REEP6: variants seen among roughly 807,000 people sequenced by gnomAD.
The protein encoded by REEP6 is receptor expression-enhancing protein 6.
Under a neutral mutation model 22.4 loss-of-function variants are expected in REEP6, and 19 were observed. The observed-to-expected ratio is 0.85, with a 90% confidence interval of 0.59 to 1.25. REEP6 has a LOEUF of 1.25. Among genes scored for constraint, REEP6 ranks in the 50% most tolerant of loss-of-function variants. The probability of loss-of-function intolerance (pLI) is 0.00; values close to 1 mark genes in which losing one functional copy is unlikely to be tolerated. For synonymous variants in REEP6, 121 were observed against 113.6 expected (o/e 1.06, Z -0.41); for missense variants, 273 against 251.9 (o/e 1.08, Z -0.57).
rs1040232515 is a variant in REEP6, at chr19:1,496,513, C to G, written c.517+60C>G. On this transcript the variant is annotated intron_variant, in intron 4 of 4. Transcript: ENST00000233596. ...ATCTCCCGGGTCTGGACCTGTCTCT[C>G]TCCACCTTGCCTCCCTTTCTGACTT... is the stretch of plus-strand genomic sequence containing the variant. 7.6e-6 allele frequency: 12 copies of G among 1,576,844 alleles called. 1 individual carries two copies. Among genetic ancestry groups the G allele is most frequent in the Middle Eastern group, 3.3e-4 (2 of 6,000 alleles).
rs59734204 is a variant in REEP6, at chr19:1,495,746, C to G, written c.348+139C>G. 2,907 of 1,235,362 alleles carry G rather than the reference C, an allele frequency of 2.4e-3. 51 individuals are homozygous for G. In the African/African-American group the frequency reaches 0.038, roughly 16 times the overall value. 76.5% of individuals were successfully genotyped at this position (1,235,362 alleles called of 1,614,324 possible). ...AGACTCAGTCCCTTCCCTGGGGAAA[C>G]GAGCCCTGTCCGGGGGCTGATGGTG... On this transcript the variant is annotated intron_variant, in intron 3 of 4. Transcript: ENST00000233596.
Position 1,491,426 on chromosome 19 carries a change from G to C in REEP6, c.115+42G>C, listed in dbSNP as rs915452887. 1 of 1,311,874 alleles carries C rather than the reference G, an allele frequency of 7.6e-7. No individual in the cohort carries two copies. Among genetic ancestry groups the C allele is most frequent in the Non-Finnish European group, 1.0e-6 (1 of 1,001,702 alleles). 81.3% of individuals were successfully genotyped at this position (1,311,874 alleles called of 1,614,324 possible). A position where few individuals can be genotyped will look rare whatever the true frequency, so the allele number is the denominator to read the frequency against. ...AGCCCGTTTCGCCGACGGGCACACCGAGGCCATGGGCCTGGGGGTCGCAGA... is the reference window on the plus strand; with the variant it reads ...AGCCCGTTTCGCCGACGGGCACACCCAGGCCATGGGCCTGGGGGTCGCAGA... On this transcript the variant is annotated intron_variant, in intron 1 of 4. Coordinates refer to ENST00000233596, the MANE Select transcript of REEP6 (RefSeq NM_138393.4). This position sits in a 1 kb window ranked among gnomAD's most constrained non-coding sequence, Gnocchi z 5.4.
In REEP6 at chr19:1,491,422, C is replaced by T; in HGVS notation, c.115+38C>T. On this transcript the variant is annotated intron_variant, in intron 1 of 4. Transcript: ENST00000233596. This position sits in a 1 kb window ranked among gnomAD's most constrained non-coding sequence, Gnocchi z 5.4. The stretch of plus-strand genomic sequence containing the variant: ...CGCTAGCCCGTTTCGCCGACGGGCA[C>T]ACCGAGGCCATGGGCCTGGGGGTCG... 1 of 1,337,362 alleles carries T rather than the reference C, an allele frequency of 7.5e-7. No individual in the cohort carries two copies. Among genetic ancestry groups the T allele is most frequent in the Non-Finnish European group, 9.8e-7 (1 of 1,023,716 alleles). The allele number at this position is 1,337,362 out of a possible 1,614,324, so 82.8% of individuals were successfully genotyped here.
At position 1,491,921 on chromosome 19, in the gene REEP6, G is replaced by A. The variant is rs1229960528; in HGVS notation, c.115+537G>A. Among the ~76,000 whole-genome samples the A allele has an allele frequency of 6.6e-6, 1 of 152,210 alleles. No individual in the cohort carries two copies. Among genetic ancestry groups the A allele is most frequent in the Non-Finnish European group, 1.5e-5 (1 of 68,040 alleles). On this transcript the variant is annotated intron_variant, in intron 1 of 4. Coordinates refer to ENST00000233596, the MANE Select transcript of REEP6 (RefSeq NM_138393.4). The surrounding 1 kb of genome is among the most constrained non-coding windows in gnomAD (Gnocchi z 5.4). ...GAGCGTAAATGTTTGTTAAGACGGAGTTGGGTTGTCTGACGGCTGTGATGT... is the reference window on the plus strand; with the variant it reads ...GAGCGTAAATGTTTGTTAAGACGGAATTGGGTTGTCTGACGGCTGTGATGT...
Position 1,495,468 on chromosome 19 carries a change from G to A in REEP6, c.210-1G>A, listed in dbSNP as rs750579100. The A allele has an allele frequency of 6.2e-7, 1 of 1,613,908 alleles. No individual in the cohort carries two copies. Among genetic ancestry groups the A allele is most frequent in the Non-Finnish European group, 8.5e-7 (1 of 1,179,980 alleles). On this transcript the variant is annotated splice_acceptor_variant, in intron 2 of 4. Coordinates refer to ENST00000233596, the MANE Select transcript of REEP6 (RefSeq NM_138393.4). LOFTEE classifies it high-confidence loss of function. ...CTGACCCTGCTGCACCCTCCCTGCA[G>A]AATCAAAGCTATCGAGAGCCCAAGC...
chr19:1,491,768 T>G lies in REEP6; in HGVS notation c.115+384T>G, dbSNP rs2084948234. 1.3e-5 allele frequency among the ~76,000 whole-genome samples: 2 copies of G among 152,170 alleles called. No individual in the cohort carries two copies. The highest frequency in any genetic ancestry group is 1.3e-4 in the Admixed American group (2 of 15,278). On this transcript the variant is annotated intron_variant, in intron 1 of 4. Coordinates refer to ENST00000233596, the MANE Select transcript of REEP6 (RefSeq NM_138393.4). The surrounding 1 kb of genome is among the most constrained non-coding windows in gnomAD (Gnocchi z 5.4). ...CTGCAACAGTAGAGATCTTCCCGTT[T>G]TTCTGAGGGGAGGCTCCTGGCGGGA...
At chr19:1,494,324 C>T (rs1009431719) in intron 1 of REEP6, among the ~76,000 whole-genome samples, 11 of 152,144 alleles carry the variant, frequency 7.2e-5, no homozygotes, top group African/African-American at 2.7e-4. Flanking sequence ...CCCTGCCCCC[C>T]ACCCCGCCCC....
chr19:1,494,077 G>A (rs1026409386), intron 1 of REEP6, among the ~76,000 whole-genome samples: 1 of 152,038 alleles, frequency 6.6e-6, no homozygotes, highest in East Asian at 1.9e-4. Flanking sequence ...ACTCCATCTC[G>A]AAAATAAATA....
chr19:1,497,098 C>T lies in REEP6; in HGVS notation c.518-76C>T. 1 of 1,201,944 alleles carries T rather than the reference C, an allele frequency of 8.3e-7. No homozygotes were observed. Among genetic ancestry groups the T allele is most frequent in the Non-Finnish European group, 1.1e-6 (1 of 878,498 alleles). 74.5% of individuals were successfully genotyped at this position (1,201,944 alleles called of 1,614,324 possible). On this transcript the variant is annotated intron_variant, in intron 4 of 4. Transcript: ENST00000233596. This position sits in a 1 kb window ranked among gnomAD's most constrained non-coding sequence, Gnocchi z 6.5. ...TTGTCATGCTCATAGCCAGTAGCCT[C>T]AGTCCCGCCTGCGAGCAGCTCCGGG... is the stretch of plus-strand genomic sequence containing the variant.
In REEP6 at chr19:1,491,927, T is replaced by C. The variant is rs2145470824; in HGVS notation, c.115+543T>C. ...AAATGTTTGTTAAGACGGAGTTGGG[T>C]TGTCTGACGGCTGTGATGTGGGGAG... On this transcript the variant is annotated intron_variant, in intron 1 of 4. Coordinates refer to ENST00000233596, the MANE Select transcript of REEP6 (RefSeq NM_138393.4). This position sits in a 1 kb window ranked among gnomAD's most constrained non-coding sequence, Gnocchi z 5.4. Among the ~76,000 whole-genome samples the C allele has an allele frequency of 6.6e-6, 1 of 152,198 alleles. No individual in the cohort carries two copies. Among genetic ancestry groups the C allele is most frequent in the East Asian group, 1.9e-4 (1 of 5,180 alleles).
chr19:1,496,495 G>A (rs758839317), intron 4 of REEP6, 42 bp downstream of exon 4: 21 of 1,599,296 alleles, frequency 1.3e-5, no homozygotes, highest in East Asian at 2.3e-5. Context: ...GCCATCTCCC[G>A]GGTCTGGACC....
Position 1,495,481 on chromosome 19 carries a change from C to T in REEP6, c.222C>T (p.Ile74=), listed in dbSNP as rs766772230. Residue 74 remains isoleucine, a synonymous_variant, in exon 3 of 5, where the codon ATC becomes ATT. Coordinates refer to ENST00000233596, the MANE Select transcript of REEP6 (RefSeq NM_138393.4). ...VYPAYASIKA[I]ESPSKDDDTV... is the part of the protein sequence containing the mutation. The stretch of plus-strand genomic sequence containing the variant: ...ACCCTCCCTGCAGAATCAAAGCTAT[C>T]GAGAGCCCAAGCAAGGACGACGACA... 6.2e-6 allele frequency: 10 copies of T among 1,613,942 alleles called. No individual in the cohort carries two copies. Among genetic ancestry groups the T allele is most frequent in the Admixed American group, 3.3e-5 (2 of 60,024 alleles).
rs1428872473 is a variant in REEP6 at position 1,491,880 on chromosome 19, A to G, written c.115+496A>G. Among the ~76,000 whole-genome samples, 2 of 151,894 alleles carry G rather than the reference A, an allele frequency of 1.3e-5. No homozygotes were observed. The highest frequency in any genetic ancestry group is 2.1e-4 in the South Asian group (1 of 4,814). ...CCCTAGCTCACCTTCCCCCAGCTCAATGGCTTAGTGCCACCGAGCGTAAAT... is the reference window on the plus strand; with the variant it reads ...CCCTAGCTCACCTTCCCCCAGCTCAGTGGCTTAGTGCCACCGAGCGTAAAT... On this transcript the variant is annotated intron_variant, in intron 1 of 4. Transcript: ENST00000233596. This position sits in a 1 kb window ranked among gnomAD's most constrained non-coding sequence, Gnocchi z 5.4.
chr19:1,491,334 T>TG lies in REEP6; in HGVS notation c.70dup (p.Ala24GlyfsTer391). 1 of 1,481,094 alleles carries TG rather than the reference T, an allele frequency of 6.8e-7. No individual in the cohort carries two copies. The highest frequency in any genetic ancestry group is 9.0e-7 in the Non-Finnish European group (1 of 1,116,506). The allele number at this position is 1,481,094 out of a possible 1,614,324, so 91.7% of individuals were successfully genotyped here. ...CAAAGGAACCTGGTCACCGAAGTGC[T>TG]GGGGGCGCTGGAGGCCAAGACCGGG... On this transcript the variant is annotated frameshift_variant, in exon 1 of 5. Transcript: ENST00000233596. LOFTEE classifies it high-confidence loss of function. This position sits in a 1 kb window ranked among gnomAD's most constrained non-coding sequence, Gnocchi z 5.4.
chr19:1,495,745 A>T, intron 3 of REEP6, 138 bp downstream of exon 3: 1 of 1,248,090 alleles, frequency 8.0e-7, no homozygotes, highest in Non-Finnish European at 1.1e-6. Flanking sequence ...CCCTGGGGAA[A>T]CGAGCCCTGT....
chr19:1,497,418 C>T lies in REEP6; in HGVS notation c.*207C>T. On this transcript the variant is annotated 3_prime_UTR_variant, in exon 5 of 5. Coordinates refer to ENST00000233596, the MANE Select transcript of REEP6 (RefSeq NM_138393.4). This position sits in a 1 kb window ranked among gnomAD's most constrained non-coding sequence, Gnocchi z 6.5. ...CTCGGCCACCCCCAGCTCTGGATCC[C>T]AGGGCCAGCTGCCCTCTGGCTCTGG... 1.4e-6 allele frequency: 1 copy of T among 713,746 alleles called. No homozygotes were observed. The highest frequency in any genetic ancestry group is 2.6e-6 in the Non-Finnish European group (1 of 384,572). 44.2% of individuals were successfully genotyped at this position (713,746 alleles called of 1,614,324 possible). A position where few individuals can be genotyped will look rare whatever the true frequency, so the allele number is the denominator to read the frequency against.
At chr19:1,492,125 T>A (rs2084959253) in intron 1 of REEP6, among the ~76,000 whole-genome samples, 1 of 152,014 alleles carries the variant, frequency 6.6e-6, no homozygotes, top group African/African-American at 2.4e-5. Flanking sequence ...CCTTTAAAAC[T>A]TTTTTTTGAG....
rs2084998620 is a variant in REEP6, at chr19:1,495,503, G to C, written c.244G>C (p.Asp82His). The change falls in exon 3 of 5, where the codon GAC becomes CAC. Residue 82 changes from aspartate to histidine, a missense_variant. By Grantham distance (81) the Asp-to-His change is moderately conservative. Coordinates refer to ENST00000233596, the MANE Select transcript of REEP6 (RefSeq NM_138393.4). ...KAIESPSKDDDTVWLTYWVVY... is the reference protein window; with the variant it reads ...KAIESPSKDDHTVWLTYWVVY... ...TATCGAGAGCCCAAGCAAGGACGACGACACTGTGTGGCTCACCTACTGGGT... is the reference window on the plus strand; with the variant it reads ...TATCGAGAGCCCAAGCAAGGACGACCACACTGTGTGGCTCACCTACTGGGT... The C allele has an allele frequency of 2.5e-6, 4 of 1,613,952 alleles. No homozygotes were observed. The highest frequency in any genetic ancestry group is 1.7e-6 in the Non-Finnish European group (2 of 1,180,020).
chr19:1,496,813 ATGGGCTCAAG>A, intron 4 of REEP6: 1 of 586,204 alleles, frequency 1.7e-6, no homozygotes, highest in Non-Finnish European at 3.1e-6. Flanking sequence ...GTGCGTGTGC[ATGGGCTCAAG>A]TGTATGTTTG....
Sources: allele counts gnomAD v4.1 joint callset (sites outside exome capture counted in the v4.1 genomes callset), GRCh38; gene constraint gnomAD v4.1.1; non-coding constraint Gnocchi (gnomAD v3.1); transcripts MANE v1.5; gene names NCBI Gene and HGNC (gene_info 2026-07-23, HGNC 2026-07-21).